CSMD1: variants seen among roughly 807,000 people sequenced by gnomAD.
CSMD1 encodes CUB and Sushi multiple domains 1.
Under a neutral mutation model 417.5 loss-of-function variants are expected in CSMD1, and 213 were observed. That is an observed-to-expected ratio of 0.51 (90% confidence interval 0.46 to 0.57). The LOEUF (loss-of-function observed/expected upper bound fraction) is 0.57. CSMD1 is among the 20% of genes least tolerant of loss of function. The pLI, the probability that CSMD1 is intolerant of heterozygous loss-of-function variation, is 0.00. For synonymous variants in CSMD1, 2,862 were observed against 1,736.8 expected, an observed-to-expected ratio of 1.65 and a Z score of -16.11; for missense variants, 6,923 against 4,529.7, an observed-to-expected ratio of 1.53 and a Z score of -15.17.
At chr8:3,296,032 A>T (rs1305935516) in intron 25 of CSMD1, among the ~76,000 whole-genome samples, 7 of 152,114 alleles carry the variant, frequency 4.6e-5, no homozygotes, top group Non-Finnish European at 1.0e-4. Flanking sequence ...GGGAAGAGAC[A>T]GGCAGTCCAC....
chr8:3,416,745 C>T (rs909884507), intron 12 of CSMD1, among the ~76,000 whole-genome samples: 1 of 152,190 alleles, frequency 6.6e-6, no homozygotes. Flanking sequence ...GGACACAAGA[C>T]AGCTAGTACA....
At chr8:4,304,289 T>A (rs1386738816) in intron 3 of CSMD1, among the ~76,000 whole-genome samples, 1 of 152,206 alleles carries the variant, frequency 6.6e-6, no homozygotes, top group African/African-American at 2.4e-5. Flanking sequence ...ACGGGTAACA[T>A]GTTCAATATA....
intron 5 of CSMD1, among the ~76,000 whole-genome samples, chr8:3,762,860 T>G (rs566083391): frequency 6.6e-6 from 1 of 152,256 alleles, no homozygotes; most frequent in South Asian, 2.1e-4. Flanking sequence ...CGAGACACGG[T>G]GGACAGTGTG....
At chr8:4,926,405 C>A (rs914337131) in intron 1 of CSMD1, among the ~76,000 whole-genome samples, 1 of 152,196 alleles carries the variant, frequency 6.6e-6, no homozygotes, top group Non-Finnish European at 1.5e-5. Flanking sequence ...GAGATCTACG[C>A]ATGTGGCCGT....
chr8:3,195,207 G>A (rs1265717912), intron 33 of CSMD1, among the ~76,000 whole-genome samples: 1 of 152,150 alleles, frequency 6.6e-6, no homozygotes, highest in African/African-American at 2.4e-5. Context: ...CAACATGAAG[G>A]TTTACTGAGA....
chr8:4,344,418 G>C (rs1432870686), intron 3 of CSMD1, among the ~76,000 whole-genome samples: 3 of 151,868 alleles, frequency 2.0e-5, no homozygotes, highest in East Asian at 1.9e-4. Flanking sequence ...GTTGAGCAAA[G>C]GCAGGAATAT....
intron 10 of CSMD1, among the ~76,000 whole-genome samples, chr8:3,512,404 G>A (rs1182559392): frequency 2.0e-5 from 3 of 152,078 alleles, no homozygotes; most frequent in African/African-American, 7.2e-5. Flanking sequence ...CCCATAGACA[G>A]GCTTTTGGTG....
Position 3,809,230 on chromosome 8 carries a change from T to A in CSMD1, c.819-55188A>T, listed in dbSNP as rs371272861. On this transcript the variant is annotated intron_variant, in intron 5 of 69. Transcript: ENST00000635120. ...ATCAGGTCTCCAGTTAAGTTTCACT[T>A]CATCTAAAAAGACTTCTGACCAGCT... 5.3e-5 allele frequency among the ~76,000 whole-genome samples: 8 copies of A among 152,268 alleles called. 1 individual carries two copies. The highest frequency in any genetic ancestry group is 1.7e-4 in the African/African-American group (7 of 41,560).
intron 3 of CSMD1, among the ~76,000 whole-genome samples, chr8:4,411,438 T>A (rs1796645175): frequency 6.6e-6 from 1 of 152,310 alleles, no homozygotes. Flanking sequence ...AAAGGACTTT[T>A]AATTACTTGG....
At chr8:3,397,260 T>A (rs1003570722) in intron 16 of CSMD1, among the ~76,000 whole-genome samples, 2 of 152,132 alleles carry the variant, frequency 1.3e-5, no homozygotes, top group Non-Finnish European at 2.9e-5. Context: ...AGCCAAAGGA[T>A]CCCACGGAAG....
At chr8:4,052,675 A>G (rs1015115968) in intron 3 of CSMD1, among the ~76,000 whole-genome samples, 8 of 152,206 alleles carry the variant, frequency 5.3e-5, no homozygotes, top group Non-Finnish European at 5.9e-5. Context: ...GAATCATCCC[A>G]TAATAAGTAA....
intron 7 of CSMD1, among the ~76,000 whole-genome samples, chr8:3,620,874 T>A (rs372429092): frequency 2.5e-4 from 38 of 152,254 alleles, no homozygotes; most frequent in African/African-American, 8.2e-4. Context: ...CTGAATTATG[T>A]CCCTCCTCCC....
intron 3 of CSMD1, among the ~76,000 whole-genome samples, chr8:4,302,911 A>G (rs1362897632): frequency 2.0e-5 from 3 of 151,896 alleles, no homozygotes; most frequent in Non-Finnish European, 4.4e-5. Context: ...AACTCAAAAG[A>G]CAGATTTTTT....
intron 5 of CSMD1, among the ~76,000 whole-genome samples, chr8:3,833,214 T>C (rs1396468522): frequency 6.6e-6 from 1 of 152,174 alleles, no homozygotes; most frequent in Non-Finnish European, 1.5e-5. Flanking sequence ...AAGAATTTTT[T>C]TGTCCGTACT....
rs553722414 is a variant in CSMD1 at position 4,754,483 on chromosome 8, T to G, written c.86-116925A>C. 1.5e-3 allele frequency among the ~76,000 whole-genome samples: 227 copies of G among 152,128 alleles called. 1 individual carries two copies. The highest frequency in any genetic ancestry group is 5.2e-3 in the African/African-American group (214 of 41,476). ...GCATCTGTGTCATGCATGCAATTTT[T>G]GCACTTCCAAGTTTAGCATAAATGC... is the stretch of plus-strand genomic sequence containing the variant. On this transcript the variant is annotated intron_variant, in intron 1 of 69. Coordinates refer to ENST00000635120, the MANE Select transcript of CSMD1 (RefSeq NM_033225.6).
At position 3,636,746 on chromosome 8, in the gene CSMD1, G is replaced by A. The variant is rs1797070599; in HGVS notation, c.1010-19949C>T. 2.0e-5 allele frequency among the ~76,000 whole-genome samples: 3 copies of A among 152,306 alleles called. No individual in the cohort carries two copies. The South Asian group carries it at 6.2e-4, about 32-fold the overall frequency. On this transcript the variant is annotated intron_variant, in intron 7 of 69. Transcript: ENST00000635120. ...GGGAGCAGCTGGCTCAGCGAGGATG[G>A]CAGGGAGTAAGGCAGAGAGGTTCTC... is the stretch of plus-strand genomic sequence containing the variant.
At chr8:3,002,013 C>T (rs1173238427) in intron 52 of CSMD1, among the ~76,000 whole-genome samples, 1 of 152,096 alleles carries the variant, frequency 6.6e-6, no homozygotes, top group Non-Finnish European at 1.5e-5. Flanking sequence ...AGGAGAGAGA[C>T]AGAAGAGAAT....
At chr8:3,714,630 G>A (rs550613701) in intron 6 of CSMD1, among the ~76,000 whole-genome samples, 1 of 149,372 alleles carries the variant, frequency 6.7e-6, no homozygotes, top group East Asian at 2.0e-4. Flanking sequence ...CCAGCTAGTT[G>A]GGAGGCTGAG....
intron 10 of CSMD1, among the ~76,000 whole-genome samples, chr8:3,554,067 G>A (rs1482958107): frequency 1.3e-5 from 2 of 152,164 alleles, no homozygotes; most frequent in Middle Eastern, 3.2e-3. Flanking sequence ...GTGGATGTGT[G>A]TGCTCGTAGC....
Sources: gnomAD v4.1 joint callset for allele counts (sites outside exome capture counted in the v4.1 genomes callset) on GRCh38, gnomAD v4.1.1 for gene constraint, MANE v1.5 for transcripts, NCBI Gene and HGNC (gene_info 2026-07-23, HGNC 2026-07-21) for gene names.